NAT10: variants seen among roughly 807,000 people sequenced by gnomAD.
NAT10 encodes the protein N-acetyltransferase 10.
In NAT10, 109 loss-of-function variants were observed where a neutral mutation model predicts 132.2. That is an observed-to-expected ratio of 0.82 (90% confidence interval 0.71 to 0.97). NAT10 has a LOEUF of 0.97. Among genes scored for constraint, NAT10 ranks in the 50% least tolerant of loss-of-function variants. The probability of loss-of-function intolerance (pLI) is 0.00; values close to 1 mark genes in which losing one functional copy is unlikely to be tolerated. For missense variants in NAT10, 1,184 were observed against 1,263.4 expected (o/e 0.94, Z 0.95); for synonymous variants, 479 against 478.0 (o/e 1.00, Z -0.03).
At position 34,137,045 on chromosome 11, in the gene NAT10, A is replaced by G; in HGVS notation, c.2211+19A>G. 6.2e-7 allele frequency: 1 copy of G among 1,614,162 alleles called. No individual in the cohort carries two copies. The highest frequency in any genetic ancestry group is 8.5e-7 in the Non-Finnish European group (1 of 1,179,978). On this transcript the variant is annotated intron_variant, in intron 21 of 28. Coordinates refer to ENST00000257829, the MANE Select transcript of NAT10 (RefSeq NM_024662.3). Reference sequence around the variant, plus strand: ...GACCCCGGTGAGTGAGGCATCCAGCAGAGGAGAAGTTTAGGTTTACCGTTA... The same window carrying G: ...GACCCCGGTGAGTGAGGCATCCAGCGGAGGAGAAGTTTAGGTTTACCGTTA...
intron 15 of NAT10, among the ~76,000 whole-genome samples, chr11:34,132,690 A>C (rs1852126928): frequency 6.6e-6 from 1 of 152,218 alleles, no homozygotes; most frequent in South Asian, 2.1e-4. Flanking sequence ...TGGTGTTAGA[A>C]GTGGTGACAG....
chr11:34,113,822 T>G lies in NAT10; in HGVS notation c.479T>G (p.Leu160Trp). The change falls in exon 5 of 29, where the codon TTG becomes TGG. Residue 160 changes from leucine (L) to tryptophan (W), a missense_variant. Physicochemically the swap from Leu to Trp is moderately conservative, Grantham distance 61. Transcript: ENST00000257829. ...LLRTMNSLKQ[L>W]YTVTMDVHSR... ...CGGACCATGAACTCACTCAAGCAAT[T>G]GTACACAGTGACTATGGTAAGCATC... The G allele has an allele frequency of 6.2e-7, 1 of 1,613,476 alleles. No individual in the cohort carries two copies. Among genetic ancestry groups the G allele is most frequent in the Non-Finnish European group, 8.5e-7 (1 of 1,179,760 alleles).
chr11:34,140,515 C>G lies in NAT10; in HGVS notation c.2535C>G (p.Ile845Met), dbSNP rs748225818. The G allele has an allele frequency of 1.2e-6, 2 of 1,614,206 alleles. No homozygotes were observed. The highest frequency in any genetic ancestry group is 1.1e-5 in the South Asian group (1 of 91,080). Residue 845 changes from isoleucine (I) to methionine (M), a missense_variant, in exon 24 of 29, where the codon ATC becomes ATG. Transcript: ENST00000257829. ...YHLIMDMIPA[I>M]SRIYFLNQLG... ...TCATCATGGACATGATCCCGGCCAT[C>G]TCTCGCATCTATTTCCTGAACCAGC... is the stretch of plus-strand genomic sequence containing the variant.
chr11:34,118,617 C>G, intron 8 of NAT10, 114 bp downstream of exon 8: 1 of 734,172 alleles, frequency 1.4e-6, no homozygotes, highest in Admixed American at 2.9e-5. Flanking sequence ...GAGAAGGGGA[C>G]TTTTCCCCTT....
chr11:34,134,509 C>G lies in NAT10; in HGVS notation c.1837-3C>G. The G allele has an allele frequency of 6.2e-7, 1 of 1,614,186 alleles. No individual in the cohort carries two copies. The highest frequency in any genetic ancestry group is 2.2e-5 in the East Asian group (1 of 44,878). ...AAGTTACTGGTTTGTGTCTCCCACA[C>G]AGTTCCAAGATCCAGACTTTGGTGG... On this transcript the variant is annotated splice_polypyrimidine_tract_variant and splice_region_variant and intron_variant, in intron 17 of 28. Transcript: ENST00000257829.
chr11:34,128,091 C>T (rs1424670904), intron 12 of NAT10, among the ~76,000 whole-genome samples: 1 of 151,990 alleles, frequency 6.6e-6, no homozygotes, highest in African/African-American at 2.4e-5. Flanking sequence ...TGCAGTGGCT[C>T]ACACCTGTAA....
intron 1 of NAT10, among the ~76,000 whole-genome samples, chr11:34,106,356 C>G (rs754966423): frequency 9.9e-5 from 15 of 152,110 alleles, no homozygotes; most frequent in Admixed American, 3.9e-4. Context: ...CCAGGCCTTC[C>G]ATGACAGCTT....
chr11:34,110,653 A>C (rs1201699346), intron 3 of NAT10, among the ~76,000 whole-genome samples: 1 of 137,790 alleles, frequency 7.3e-6, no homozygotes, highest in Non-Finnish European at 1.5e-5. Context: ...CATACTTTTA[A>C]CTGATTTAGC....
intron 1 of NAT10, among the ~76,000 whole-genome samples, chr11:34,107,597 A>C (rs1307691921): frequency 6.6e-6 from 1 of 152,112 alleles, no homozygotes; most frequent in Non-Finnish European, 1.5e-5. Flanking sequence ...TTCTGTCATG[A>C]TCTTGTCATA....
chr11:34,134,023 G>A (rs570471045), intron 16 of NAT10, among the ~76,000 whole-genome samples: 3 of 152,022 alleles, frequency 2.0e-5, no homozygotes, highest in Admixed American at 1.3e-4. Context: ...AATAAGCCGG[G>A]TGTGGTGGTA....
chr11:34,131,008 C>T (rs1852096165), intron 13 of NAT10, 71 bp downstream of exon 13: 4 of 1,578,576 alleles, frequency 2.5e-6, no homozygotes, highest in South Asian at 2.3e-5. Context: ...CCTCGCTTCC[C>T]CTGTGACATC....
At chr11:34,141,697 C>G (rs769150166) in intron 25 of NAT10, 22 bp from the exon 26 acceptor site, 1 of 1,610,406 alleles carries the variant, frequency 6.2e-7, no homozygotes, top group Non-Finnish European at 8.5e-7. Flanking sequence ...TCTTCTGCTT[C>G]TCTGTTGGTT....
intron 19 of NAT10, 126 bp from the exon 20 acceptor site, chr11:34,136,516 C>A: frequency 2.7e-6 from 3 of 1,116,282 alleles, no homozygotes; most frequent in African/African-American, 1.6e-5. Context: ...AAAACCACAG[C>A]AATAAACCAA....
chr11:34,131,999 T>A, intron 14 of NAT10, 126 bp from the exon 15 acceptor site: 2 of 740,972 alleles, frequency 2.7e-6, no homozygotes, highest in Non-Finnish European at 4.8e-6. Context: ...CTTCCTTCTT[T>A]TATGTGTTTC....
At chr11:34,118,651 A>G (rs1007197489) in intron 8 of NAT10, 148 bp downstream of exon 8, 26 of 608,282 alleles carry the variant, frequency 4.3e-5, no homozygotes, top group South Asian at 4.0e-4. Context: ...TGTGCTCAGC[A>G]ACAGTAGGGC....
At chr11:34,117,226 A>G (rs2957508) in intron 6 of NAT10, among the ~76,000 whole-genome samples, 151,064 of 152,282 alleles carry the variant, frequency 0.99, 74,940 homozygotes, top group East Asian at 1. Context: ...TATTTTTTTG[A>G]GGGGTGTGGG....
chr11:34,111,385 G>C (rs1851691442), intron 3 of NAT10, among the ~76,000 whole-genome samples: 1 of 152,170 alleles, frequency 6.6e-6, no homozygotes, highest in African/African-American at 2.4e-5. Context: ...AGAGAACTAT[G>C]GTAAAATTTT....
chr11:34,131,102 G>A (rs1852097617), intron 13 of NAT10, among the ~76,000 whole-genome samples, 165 bp downstream of exon 13: 1 of 152,152 alleles, frequency 6.6e-6, no homozygotes, highest in African/African-American at 2.4e-5. Context: ...AGGAACAGCA[G>A]TCCAGTGACC....
intron 5 of NAT10, among the ~76,000 whole-genome samples, chr11:34,114,767 A>G (rs1851756297): frequency 6.6e-6 from 1 of 151,962 alleles, no homozygotes; most frequent in Non-Finnish European, 1.5e-5. Context: ...TCCGCCTGTC[A>G]CTCCTTAACC....
Sources: allele counts gnomAD v4.1 joint callset (sites outside exome capture counted in the v4.1 genomes callset), GRCh38; gene constraint gnomAD v4.1.1; transcripts MANE v1.5; gene names NCBI Gene and HGNC (gene_info 2026-07-23, HGNC 2026-07-21).